GALC: variants seen among roughly 807,000 people sequenced by gnomAD.
GALC encodes galactocerebrosidase.
GALC carries 77 observed loss-of-function variants against 91.8 expected under a neutral mutation model. The observed-to-expected ratio is 0.84, with a 90% confidence interval of 0.70 to 1.01. The LOEUF is 1.01. Among genes scored for constraint, GALC ranks in the 50% least tolerant of loss-of-function variants. The pLI is 0.00. For missense variants in GALC, 882 were observed against 855.9 expected, an observed-to-expected ratio of 1.03 and a Z score of -0.38; for synonymous variants, 357 against 306.7, an observed-to-expected ratio of 1.16 and a Z score of -1.71.
intron 10 of GALC, among the ~76,000 whole-genome samples, chr14:87,958,299 T>A (rs1471685915): frequency 6.7e-6 from 1 of 149,634 alleles, no homozygotes; most frequent in Non-Finnish European, 1.5e-5. Context: ...ATTCGGTTAG[T>A]TTAAATCTGA....
upstream of GALC, chr14:87,993,337 T>C (rs766869895): frequency 4.6e-5 from 70 of 1,535,606 alleles, 1 homozygote; most frequent in South Asian, 7.4e-4. Flanking sequence ...CTTTTTCTTA[T>C]CGCTCGCGTG....
intron 3 of GALC, 57 bp from the exon 4 acceptor site, chr14:87,986,659 C>T (rs1361441004): frequency 7.0e-6 from 7 of 1,005,764 alleles, no homozygotes; most frequent in South Asian, 6.5e-5. Context: ...CTTCCTAGGA[C>T]CATCTCACTC....
chr14:87,983,225 A>C (rs1886820185), intron 5 of GALC, among the ~76,000 whole-genome samples: 1 of 152,098 alleles, frequency 6.6e-6, no homozygotes. Flanking sequence ...CTGTAATCCC[A>C]GCTACTTGAG....
At chr14:87,989,597 C>CCTTTTGTCCAAACTT (rs1444501441) in intron 1 of GALC, 6 of 152,254 alleles carry the variant, frequency 3.9e-5, no homozygotes, top group African/African-American at 1.4e-4. Context: ...TTCCCATGTA[C>CCTTTTGTCCAAACTT]CCTCAGTCAC....
chr14:87,977,101 T>C (rs1363393852), intron 6 of GALC, among the ~76,000 whole-genome samples: 1 of 151,552 alleles, frequency 6.6e-6, no homozygotes, highest in African/African-American at 2.4e-5. Context: ...TATTTTGCTA[T>C]GCATTCTTCC....
chr14:87,960,474 A>G (rs1885755822), intron 10 of GALC, among the ~76,000 whole-genome samples: 1 of 152,234 alleles, frequency 6.6e-6, no homozygotes, highest in Non-Finnish European at 1.5e-5. Context: ...TGATTTGACC[A>G]TTATACCACA....
intron 16 of GALC, 111 bp from the exon 17 acceptor site, chr14:87,934,989 C>A: frequency 1.3e-6 from 1 of 764,334 alleles, no homozygotes; most frequent in Non-Finnish European, 2.3e-6. Context: ...ACTACTCACT[C>A]AAGACTTAAC....
chr14:87,970,518 G>A (rs1180243049), intron 7 of GALC, among the ~76,000 whole-genome samples: 1 of 152,018 alleles, frequency 6.6e-6, no homozygotes, highest in Non-Finnish European at 1.5e-5. Flanking sequence ...TATGAGCAAA[G>A]AAAGGCAGAA....
chr14:87,983,184 A>G (rs1886818734), intron 5 of GALC, among the ~76,000 whole-genome samples: 1 of 152,108 alleles, frequency 6.6e-6, no homozygotes. Flanking sequence ...ATAAAAAGAA[A>G]AAAAAACTAG....
intron 14 of GALC, among the ~76,000 whole-genome samples, chr14:87,942,204 T>C (rs1884890397): frequency 6.6e-6 from 1 of 151,994 alleles, no homozygotes; most frequent in African/African-American, 2.4e-5. Context: ...ATTCAGTACA[T>C]CTGGGGCAGC....
At chr14:87,956,439 C>T (rs1172568949) in intron 10 of GALC, among the ~76,000 whole-genome samples, 2 of 151,710 alleles carry the variant, frequency 1.3e-5, no homozygotes, top group Non-Finnish European at 2.9e-5. Flanking sequence ...TTTCCAACAA[C>T]ACACACAAAA....
chr14:87,963,158 G>A, intron 10 of GALC: 1 of 493,322 alleles, frequency 2.0e-6, no homozygotes, highest in Non-Finnish European at 3.7e-6. Context: ...CAACTGCCAG[G>A]AACAAAGTGG....
At chr14:87,987,874 A>G (rs897488148) in intron 3 of GALC, 30 of 447,764 alleles carry the variant, frequency 6.7e-5, no homozygotes, top group African/African-American at 4.5e-4. Context: ...TCCTGTATAT[A>G]TAGGTTTTAG....
At chr14:87,963,709 G>T (rs895403728) in intron 9 of GALC, among the ~76,000 whole-genome samples, 198 bp from the exon 10 acceptor site, 1 of 151,930 alleles carries the variant, frequency 6.6e-6, no homozygotes, top group Non-Finnish European at 1.5e-5. Context: ...ATTGCAAGAA[G>T]ATTCCTGGAA....
chr14:87,953,796 G>A (rs1438238954), intron 10 of GALC: 2 of 1,606,312 alleles, frequency 1.2e-6, no homozygotes, highest in Admixed American at 1.7e-5. Flanking sequence ...AAAAAACTGT[G>A]ATTCTAAAAG....
chr14:87,939,884 A>G lies in GALC; in HGVS notation c.1911+21T>C. On this transcript the variant is annotated intron_variant, in intron 16 of 16. Transcript: ENST00000261304. ...CAACAAAAGAGCATTTTACCTCCAG[A>G]CTCCAATCAGCAATACTTACCTTAA... 5.9e-6 allele frequency: 9 copies of G among 1,530,922 alleles called. No individual in the cohort carries two copies. In the South Asian group the frequency reaches 8.9e-5, roughly 15 times the overall value. The allele number at this position is 1,530,922 out of a possible 1,614,324, so 94.8% of individuals were successfully genotyped here. A position where few individuals can be genotyped will look rare whatever the true frequency, so the allele number is the denominator to read the frequency against.
At chr14:87,992,708 C>T in intron 1 of GALC, 2 of 1,431,666 alleles carry the variant, frequency 1.4e-6, no homozygotes, top group Non-Finnish European at 1.8e-6. Flanking sequence ...TGTCACTTTA[C>T]TCTCTGCACC....
chr14:87,976,758 GCA>G, intron 6 of GALC: 1 of 389,240 alleles, frequency 2.6e-6, no homozygotes, highest in Non-Finnish European at 4.9e-6. Flanking sequence ...GGGATTACAG[GCA>G]CGCGCCACCA....
At chr14:87,952,686 T>C in intron 10 of GALC, 2 of 1,508,734 alleles carry the variant, frequency 1.3e-6, no homozygotes, top group Non-Finnish European at 9.2e-7. Context: ...AGTCCCAGAA[T>C]CTATTGGTCT....
Sources: gnomAD v4.1 joint callset for allele counts (sites outside exome capture counted in the v4.1 genomes callset) on GRCh38, gnomAD v4.1.1 for gene constraint, MANE v1.5 for transcripts, NCBI Gene and HGNC (gene_info 2026-07-23, HGNC 2026-07-21) for gene names.